The following XYLT1 variants were observed in gnomAD, a reference collection of about 807,000 sequenced individuals.
XYLT1 encodes xylosyltransferase 1, also known as beta-D-xylosyltransferase 1.
Under a neutral mutation model 91.3 loss-of-function variants are expected in XYLT1, and 36 were observed. The ratio of observed to expected loss-of-function variants is 0.39; its 90% CI spans 0.30 to 0.52. The LOEUF (loss-of-function observed/expected upper bound fraction) is 0.52. Among genes scored for constraint, XYLT1 ranks in the 20% least tolerant of loss-of-function variants. The pLI, the probability that XYLT1 is intolerant of heterozygous loss-of-function variation, is 0.68. For synonymous variants in XYLT1, 588 were observed against 532.0 expected, an observed-to-expected ratio of 1.11 and a Z score of -1.45; for missense variants, 1,242 against 1,284.5, an observed-to-expected ratio of 0.97 and a Z score of 0.51.
At chr16:17,333,906 C>G (rs1374947188) in intron 2 of XYLT1, among the ~76,000 whole-genome samples, 1 of 152,034 alleles carries the variant, frequency 6.6e-6, no homozygotes, top group Non-Finnish European at 1.5e-5. Flanking sequence ...AATTTAATCC[C>G]CAAGGGAAGA....
intron 1 of XYLT1, among the ~76,000 whole-genome samples, chr16:17,430,770 T>A (rs748930108): frequency 6.6e-5 from 10 of 152,182 alleles, no homozygotes; most frequent in Non-Finnish European, 1.3e-4. Flanking sequence ...AAAACAGAGC[T>A]AACCAGCCAC....
Position 17,158,900 on chromosome 16 carries a change from G to C in XYLT1, c.1299C>G (p.Asp433Glu). Residue 433 changes from aspartate to glutamate, a missense_variant, in exon 6 of 12, where the codon GAC (aspartate) becomes GAG (glutamate). Transcript: ENST00000261381. ...ATCGGGAGAGAAACGCCACCAACTG[G>C]TCATTTGTCCTGTGGAAACAAACCA... ...SAADYPIRTN[D>E]QLVAFLSRYR... 2 of 1,614,060 alleles carry C rather than the reference G, an allele frequency of 1.2e-6. No homozygotes were observed. The highest frequency in any genetic ancestry group is 1.7e-5 in the Admixed American group (1 of 60,010).
intron 3 of XYLT1, among the ~76,000 whole-genome samples, chr16:17,229,957 C>A (rs77361239): frequency 4.7e-4 from 71 of 152,314 alleles, no homozygotes; most frequent in African/African-American, 1.4e-3. Flanking sequence ...CATGTGAAGA[C>A]ATGCAGGAAG....
intron 1 of XYLT1, among the ~76,000 whole-genome samples, chr16:17,402,020 T>C (rs1361643619): frequency 6.6e-6 from 1 of 152,058 alleles, no homozygotes; most frequent in African/African-American, 2.4e-5. Flanking sequence ...GTTTCTAGGC[T>C]GAGCGTGGTG....
At chr16:17,407,796 C>T (rs1374829495) in intron 1 of XYLT1, among the ~76,000 whole-genome samples, 1 of 152,190 alleles carries the variant, frequency 6.6e-6, no homozygotes, top group South Asian at 2.1e-4. Context: ...CCCTCCAAAC[C>T]GCATGTTGAA....
intron 5 of XYLT1, among the ~76,000 whole-genome samples, chr16:17,196,786 C>T (rs558393487): frequency 6.6e-6 from 1 of 152,002 alleles, no homozygotes; most frequent in African/African-American, 2.4e-5. Context: ...GAGAAAATAA[C>T]AGCCTGGCAC....
chr16:17,109,543 C>CA (rs530349312), intron 11 of XYLT1, among the ~76,000 whole-genome samples: 3 of 151,958 alleles, frequency 2.0e-5, no homozygotes, highest in African/African-American at 7.2e-5. Flanking sequence ...GTCATGAAGG[C>CA]AAAAAAACAG....
chr16:17,362,036 C>A (rs919832131), intron 1 of XYLT1, among the ~76,000 whole-genome samples: 62 of 152,154 alleles, frequency 4.1e-4, no homozygotes, highest in African/African-American at 1.4e-3. Context: ...GGTAACCTGT[C>A]CGAGTCACAC....
At chr16:17,309,718 T>G (rs940889425) in intron 2 of XYLT1, among the ~76,000 whole-genome samples, 1 of 152,236 alleles carries the variant, frequency 6.6e-6, no homozygotes, top group Non-Finnish European at 1.5e-5. Flanking sequence ...AAAGGGATTC[T>G]TTGGAAGCAC....
chr16:17,323,806 C>A, intron 2 of XYLT1, among the ~76,000 whole-genome samples: 1 of 152,144 alleles, frequency 6.6e-6, no homozygotes, highest in Non-Finnish European at 1.5e-5. Context: ...ATGAATATGC[C>A]CAGGTCTGAT....
chr16:17,253,845 A>AGC (rs1342930030), intron 3 of XYLT1, among the ~76,000 whole-genome samples: 3 of 147,844 alleles, frequency 2.0e-5, no homozygotes, highest in Non-Finnish European at 3.0e-5. Flanking sequence ...AGAGAGAGAG[A>AGC]GAGAGAGAGA....
chr16:17,279,659 T>C (rs1479412420), intron 2 of XYLT1, among the ~76,000 whole-genome samples: 2 of 152,202 alleles, frequency 1.3e-5, no homozygotes, highest in East Asian at 3.9e-4. Context: ...GGCTGAGGGG[T>C]CAGCTTCTTC....
At chr16:17,427,669 G>C (rs2036336666) in intron 1 of XYLT1, among the ~76,000 whole-genome samples, 1 of 152,142 alleles carries the variant, frequency 6.6e-6, no homozygotes, top group African/African-American at 2.4e-5. Flanking sequence ...TACAACAGCT[G>C]AATCAGCATC....
intron 3 of XYLT1, among the ~76,000 whole-genome samples, chr16:17,256,966 A>G (rs557707646): frequency 1.7e-4 from 26 of 152,264 alleles, no homozygotes; most frequent in Admixed American, 5.2e-4. Flanking sequence ...CACCTCCCCA[A>G]TCTCCATCTA....
At chr16:17,358,428 C>T (rs1050540781) in intron 1 of XYLT1, among the ~76,000 whole-genome samples, 4 of 152,136 alleles carry the variant, frequency 2.6e-5, no homozygotes, top group Admixed American at 6.5e-5. Context: ...TGAGCCACCA[C>T]GCCAAGCTCC....
chr16:17,448,751 A>C (rs181632799), intron 1 of XYLT1, among the ~76,000 whole-genome samples: 2,317 of 151,676 alleles, frequency 0.015, 67 homozygotes, highest in African/African-American at 0.054. Flanking sequence ...GAGGAGGAGG[A>C]GGGCAGAGGA....
At chr16:17,330,641 A>G (rs1183239787) in intron 2 of XYLT1, among the ~76,000 whole-genome samples, 1 of 151,986 alleles carries the variant, frequency 6.6e-6, no homozygotes, top group Non-Finnish European at 1.5e-5. Context: ...AAAAAAAAAA[A>G]AAATTAGCTG....
At chr16:17,116,946 T>G (rs1391161391) in intron 11 of XYLT1, among the ~76,000 whole-genome samples, 5 of 152,156 alleles carry the variant, frequency 3.3e-5, no homozygotes, top group Middle Eastern at 3.2e-3. Context: ...CTCTCCTCCA[T>G]TTTTTTCCTC....
intron 10 of XYLT1, among the ~76,000 whole-genome samples, chr16:17,125,815 T>A (rs1453491929): frequency 6.6e-6 from 1 of 152,178 alleles, no homozygotes; most frequent in Non-Finnish European, 1.5e-5. Flanking sequence ...CACAGGGGCC[T>A]GGTTTGTTTG....
Sources: allele counts gnomAD v4.1 joint callset (sites outside exome capture counted in the v4.1 genomes callset), GRCh38; gene constraint gnomAD v4.1.1; transcripts MANE v1.5; gene names NCBI Gene and HGNC (gene_info 2026-07-23, HGNC 2026-07-21).